PLCL2: variants seen among roughly 807,000 people sequenced by gnomAD.
PLCL2 encodes phospholipase C like 2, also known as inactive phospholipase C-like protein 2.
In PLCL2, 4 loss-of-function variants were observed where a neutral mutation model predicts 79.6. The ratio of observed to expected loss-of-function variants is 0.05; its 90% CI spans 0.02 to 0.11. PLCL2 has a LOEUF of 0.11. Among genes scored for constraint, PLCL2 ranks in the 10% least tolerant of loss-of-function variants. The pLI, the probability that PLCL2 is intolerant of heterozygous loss-of-function variation, is 1.00. For missense variants in PLCL2, 895 were observed against 1,291.0 expected (o/e 0.69, Z 4.70); for synonymous variants, 484 against 457.7 (o/e 1.06, Z -0.73).
chr3:16,899,171 C>T lies in PLCL2; in HGVS notation c.327+13805C>T, dbSNP rs555623021. Among the ~76,000 whole-genome samples the T allele has an allele frequency of 3.9e-5, 6 of 152,316 alleles. No homozygotes were observed. In the South Asian group the frequency reaches 1.2e-3, roughly 32 times the overall value. On this transcript the variant is annotated intron_variant, in intron 1 of 5. Coordinates refer to ENST00000615277, the MANE Select transcript of PLCL2 (RefSeq NM_001144382.2). ...ACTTTAGTGGTGAGTTGAATCTTGG[C>T]CTCAAGGCATGTCATGGAGCTGTGG...
chr3:16,898,025 C>G (rs1311922191), intron 1 of PLCL2, among the ~76,000 whole-genome samples: 1 of 151,502 alleles, frequency 6.6e-6, no homozygotes. Context: ...AAGGATGAGT[C>G]TTCTAGCCAA....
rs193049572 is a variant in PLCL2, at chr3:17,037,708, T to C, written c.3019-5166T>C. Among the ~76,000 whole-genome samples, 32 of 152,300 alleles carry C rather than the reference T, an allele frequency of 2.1e-4. No individual in the cohort carries two copies. The East Asian group carries it at 5.0e-3, about 24-fold the overall frequency. Reference sequence around the variant, plus strand: ...TACTAAAATTTCTTTCACCCAAGTATATAAAATTATTGACAAACTACTTTT... The same window carrying C: ...TACTAAAATTTCTTTCACCCAAGTACATAAAATTATTGACAAACTACTTTT... On this transcript the variant is annotated intron_variant, in intron 3 of 5. Transcript: ENST00000615277.
chr3:16,971,327 C>T (rs950274071), intron 1 of PLCL2, among the ~76,000 whole-genome samples: 75 of 152,224 alleles, frequency 4.9e-4, no homozygotes, highest in African/African-American at 1.7e-3. Flanking sequence ...GGAATCCTTT[C>T]CCCATTGCTT....
intron 1 of PLCL2, among the ~76,000 whole-genome samples, chr3:17,001,277 C>T (rs942512156): frequency 6.6e-5 from 10 of 151,772 alleles, no homozygotes; most frequent in Non-Finnish European, 1.5e-4. Flanking sequence ...TTATTAATGC[C>T]TCATTGGACA....
intron 3 of PLCL2, among the ~76,000 whole-genome samples, chr3:17,016,819 T>G (rs2064389971): frequency 6.6e-6 from 1 of 152,236 alleles, no homozygotes; most frequent in African/African-American, 2.4e-5. Context: ...ATCACATACC[T>G]GTTTCATTGA....
chr3:17,039,922 C>T (rs149877494), intron 3 of PLCL2, among the ~76,000 whole-genome samples: 2 of 152,292 alleles, frequency 1.3e-5, no homozygotes, highest in African/African-American at 4.8e-5. Context: ...ACAAGTGGAT[C>T]CTTCTGTGGC....
intron 1 of PLCL2, among the ~76,000 whole-genome samples, chr3:16,990,790 A>G (rs971083849): frequency 1.3e-5 from 2 of 152,230 alleles, no homozygotes; most frequent in African/African-American, 2.4e-5. Flanking sequence ...CAGTTTGAGC[A>G]TTGAGTCACT....
At chr3:17,087,695 T>C (rs1157355016) in intron 5 of PLCL2, among the ~76,000 whole-genome samples, 3 of 152,116 alleles carry the variant, frequency 2.0e-5, no homozygotes, top group African/African-American at 7.2e-5. Context: ...TTGTAACAAG[T>C]ATACCACTGT....
At chr3:16,966,012 T>A (rs1029064484) in intron 1 of PLCL2, among the ~76,000 whole-genome samples, 1 of 152,100 alleles carries the variant, frequency 6.6e-6, no homozygotes, top group South Asian at 2.1e-4. Flanking sequence ...CCTTTATTTC[T>A]TTCTCCTGCC....
At chr3:17,053,825 C>T (rs990338932) in intron 4 of PLCL2, among the ~76,000 whole-genome samples, 2 of 152,196 alleles carry the variant, frequency 1.3e-5, no homozygotes, top group African/African-American at 4.8e-5. Context: ...AACCATTCTT[C>T]CTGCCTAGGC....
chr3:16,909,538 T>C (rs1428559685), intron 1 of PLCL2, among the ~76,000 whole-genome samples: 1 of 152,204 alleles, frequency 6.6e-6, no homozygotes, highest in Non-Finnish European at 1.5e-5. Context: ...TGATTTAAGG[T>C]ACACTAAGCA....
chr3:17,012,231 A>G (rs867678610), intron 2 of PLCL2, 71 bp downstream of exon 2: 6 of 1,363,156 alleles, frequency 4.4e-6, no homozygotes, highest in Non-Finnish European at 5.9e-6. Flanking sequence ...TTATAAATAT[A>G]TTGGTTTTTT....
chr3:17,043,031 T>C, intron 4 of PLCL2, 82 bp downstream of exon 4: 1 of 877,424 alleles, frequency 1.1e-6, no homozygotes, highest in Non-Finnish European at 1.9e-6. Flanking sequence ...ATTTTTTGGA[T>C]GCTATATCAA....
chr3:16,930,141 T>C (rs1293672415), intron 1 of PLCL2, among the ~76,000 whole-genome samples: 1 of 152,224 alleles, frequency 6.6e-6, no homozygotes, highest in Admixed American at 6.5e-5. Context: ...GATTCCTAGT[T>C]TATTCCCTTT....
chr3:17,008,896 C>A (rs373592571), intron 1 of PLCL2, among the ~76,000 whole-genome samples: 35 of 152,126 alleles, frequency 2.3e-4, no homozygotes, highest in Admixed American at 1.2e-3. Context: ...TAGCTCATTG[C>A]AGCCTCAATC....
chr3:16,950,785 C>T (rs2063643803), intron 1 of PLCL2, among the ~76,000 whole-genome samples: 1 of 152,088 alleles, frequency 6.6e-6, no homozygotes, highest in Non-Finnish European at 1.5e-5. Flanking sequence ...ATAATTAACA[C>T]AATCATATGG....
chr3:16,928,221 G>A (rs1218805849), intron 1 of PLCL2, among the ~76,000 whole-genome samples: 2 of 152,224 alleles, frequency 1.3e-5, no homozygotes, highest in Non-Finnish European at 2.9e-5. Flanking sequence ...AGTGCTAGGA[G>A]GGAGGCCCTC....
intron 1 of PLCL2, among the ~76,000 whole-genome samples, chr3:16,901,632 C>G (rs1024526708): frequency 6.6e-6 from 1 of 152,214 alleles, no homozygotes; most frequent in African/African-American, 2.4e-5. Context: ...CTCCAGTTGT[C>G]CCTGTACTCT....
At chr3:17,040,161 G>C (rs751537856) in intron 3 of PLCL2, among the ~76,000 whole-genome samples, 8 of 152,052 alleles carry the variant, frequency 5.3e-5, no homozygotes, top group Non-Finnish European at 1.2e-4. Context: ...GGGTACATGT[G>C]CTTCATTCTC....
Sources: gnomAD v4.1 joint callset for allele counts (sites outside exome capture counted in the v4.1 genomes callset) on GRCh38, gnomAD v4.1.1 for gene constraint, MANE v1.5 for transcripts, NCBI Gene and HGNC (gene_info 2026-07-23, HGNC 2026-07-21) for gene names.